APC: variants seen among roughly 807,000 people sequenced by gnomAD.
The protein encoded by APC is APC regulator of Wnt signaling pathway.
Under a neutral mutation model 247.0 loss-of-function variants are expected in APC, and 72 were observed. The observed-to-expected ratio is 0.29, with a 90% CI of 0.24 to 0.35. The LOEUF is 0.35. Ranked by LOEUF, APC falls within the 10% of genes least tolerant of loss-of-function variation. The probability of loss-of-function intolerance (pLI) is 1.00; values close to 1 mark genes in which losing one functional copy is unlikely to be tolerated. For missense variants in APC, 3,400 were observed against 3,360.7 expected, an observed-to-expected ratio of 1.01 and a Z score of -0.29; for synonymous variants, 1,254 against 1,162.5, an observed-to-expected ratio of 1.08 and a Z score of -1.60.
Position 112,707,858 on chromosome 5 carries a change from T to C in APC, c.141T>C (p.Ser47=), listed in dbSNP as rs753577385. The change falls in exon 1 of 14, where the codon TCT becomes TCC. Residue 47 remains serine, a synonymous_variant. Transcript: ENST00000507379. ...AGAGCCCGGGCGGCGCTCGTACTTC[T>C]GGCCACTGGGCGAGCGTCTGGCAGG... 1.5e-6 allele frequency: 2 copies of C among 1,369,852 alleles called. No homozygotes were observed. The highest frequency in any genetic ancestry group is 1.9e-6 in the Non-Finnish European group (2 of 1,038,398). 84.9% of individuals were successfully genotyped at this position (1,369,852 alleles called of 1,614,324 possible).
intron 8 of APC, among the ~76,000 whole-genome samples, chr5:112,812,442 C>T (rs1167068339): frequency 6.6e-6 from 1 of 152,124 alleles, no homozygotes; most frequent in African/African-American, 2.4e-5. Context: ...AGAGTAAGCT[C>T]CTTATGTTCA....
chr5:112,717,959 A>ATTTTTTTTTTTTTT (rs1554061481), intron 1 of APC, among the ~76,000 whole-genome samples: 1 of 67,566 alleles, frequency 1.5e-5, no homozygotes, highest in Non-Finnish European at 2.8e-5. Context: ...ACCTCAAGGC[A>ATTTTTTTTTTTTTT]TTGTTCTGGA....
intron 7 of APC, among the ~76,000 whole-genome samples, chr5:112,799,204 A>G (rs1390291289): frequency 1.3e-5 from 2 of 150,598 alleles, no homozygotes; most frequent in Admixed American, 6.6e-5. Flanking sequence ...AAAAAAAAAA[A>G]GGCACTTTAA....
chr5:112,795,704 A>G (rs1342309031), intron 7 of APC, among the ~76,000 whole-genome samples: 1 of 152,232 alleles, frequency 6.6e-6, no homozygotes, highest in African/African-American at 2.4e-5. Context: ...TAAATTTGAG[A>G]GTGGAATAAA....
At chr5:112,829,979 C>G (rs1000596061) in intron 14 of APC, 2 of 152,112 alleles carry the variant, frequency 1.3e-5, no homozygotes, top group African/African-American at 4.8e-5. Flanking sequence ...TGAGAGGGAC[C>G]AAGCAAGTTG....
At position 112,840,931 on chromosome 5, in the gene APC, A is replaced by G. The variant is rs748063409; in HGVS notation, c.5337A>G (p.Ile1779Met). The stretch of plus-strand genomic sequence containing the variant: ...AACCAACTTCACCAGTAAAACCTAT[A>G]CCACAAAATACTGAATATAGGACAC... ...KKKPTSPVKP[I>M]PQNTEYRTRV... The change falls in exon 16 of 16, where the codon ATA (isoleucine) becomes ATG (methionine). Residue 1779 changes from isoleucine to methionine, a missense_variant. Around this residue, in one of 9 missense-constraint regions of APC, gnomAD observed 1,788 missense variants for 1,649.5 expected, o/e 1.08. Coordinates refer to ENST00000257430, the MANE Select transcript of APC (RefSeq NM_000038.6). The surrounding 1 kb of genome is among the most constrained non-coding windows in gnomAD (Gnocchi z 4.1). 2.0e-5 allele frequency: 33 copies of G among 1,613,734 alleles called. No homozygotes were observed. The highest frequency in any genetic ancestry group is 2.8e-5 in the Non-Finnish European group (33 of 1,179,802).
chr5:112,824,277 G>A lies in APC; in HGVS notation c.1408+2286G>A, dbSNP rs116512723. Among the ~76,000 whole-genome samples the A allele has an allele frequency of 4.3e-3, 649 of 152,216 alleles. 7 individuals carry two copies. Among genetic ancestry groups the A allele is most frequent in the African/African-American group, 0.015 (627 of 41,540 alleles). On this transcript the variant is annotated intron_variant, in intron 11 of 15. Transcript: ENST00000257430. ...CCATGAAACATCCTGATTTTTCTTAGAGCAACCAGTTTTTAATTGTATCAA... is the reference window on the plus strand; with the variant it reads ...CCATGAAACATCCTGATTTTTCTTAAAGCAACCAGTTTTTAATTGTATCAA...
At chr5:112,828,245 C>A (rs1456599470) in intron 13 of APC, among the ~76,000 whole-genome samples, 1 of 152,044 alleles carries the variant, frequency 6.6e-6, no homozygotes, top group Non-Finnish European at 1.5e-5. Flanking sequence ...CACCTGGGCT[C>A]AAGCAATCTG....
intron 7 of APC, among the ~76,000 whole-genome samples, chr5:112,794,214 C>G (rs754257551): frequency 1.3e-5 from 2 of 151,878 alleles, no homozygotes; most frequent in Non-Finnish European, 2.9e-5. Context: ...CACCTCAGCC[C>G]CCGAGTAGCT....
chr5:112,772,251 C>T (rs975568944), intron 4 of APC, among the ~76,000 whole-genome samples: 1 of 152,134 alleles, frequency 6.6e-6, no homozygotes, highest in African/African-American at 2.4e-5. Flanking sequence ...CCTAATGACT[C>T]TGCCTGTTCT....
chr5:112,724,550 C>G (rs904927873), intron 1 of APC, among the ~76,000 whole-genome samples: 7 of 150,280 alleles, frequency 4.7e-5, no homozygotes, highest in Non-Finnish European at 7.4e-5. Context: ...TATACGTAAT[C>G]CCAAGTGTGT....
At chr5:112,752,277 A>C (rs958368942) in intron 1 of APC, among the ~76,000 whole-genome samples, 1 of 152,188 alleles carries the variant, frequency 6.6e-6, no homozygotes, top group Non-Finnish European at 1.5e-5. Context: ...CCATTAATGT[A>C]AAAAAGAAGT....
chr5:112,768,273 C>T (rs1580333412), intron 4 of APC, among the ~76,000 whole-genome samples: 1 of 151,380 alleles, frequency 6.6e-6, no homozygotes, highest in Non-Finnish European at 1.5e-5. Context: ...AAACTCATGA[C>T]CTTAGGTGAT....
intron 9 of APC, among the ~76,000 whole-genome samples, chr5:112,818,287 A>T (rs1341703764): frequency 6.6e-6 from 1 of 152,204 alleles, no homozygotes; most frequent in African/African-American, 2.4e-5. Context: ...CCGGTTTCTA[A>T]TCTGCTTCTA....
chr5:112,733,027 C>T (rs1752174153), upstream of APC, among the ~76,000 whole-genome samples: 1 of 152,146 alleles, frequency 6.6e-6, no homozygotes, highest in African/African-American at 2.4e-5. Flanking sequence ...ACTTTTCCAG[C>T]GTTATCAAGC....
chr5:112,771,577 A>G (rs531156798), intron 4 of APC, among the ~76,000 whole-genome samples: 4 of 152,272 alleles, frequency 2.6e-5, no homozygotes, highest in Admixed American at 2.6e-4. Context: ...CTTCATTATC[A>G]AGGTACCAAT....
At chr5:112,780,124 TTTAA>T (rs1300880601) in intron 5 of APC, among the ~76,000 whole-genome samples, 1 of 152,208 alleles carries the variant, frequency 6.6e-6, no homozygotes. Context: ...TCCTTGGAAT[TTTAA>T]TTAAAGGGTT....
intron 8 of APC, among the ~76,000 whole-genome samples, chr5:112,814,366 C>G (rs1054068883): frequency 1.3e-5 from 2 of 148,444 alleles, no homozygotes; most frequent in Non-Finnish European, 3.1e-5. Context: ...GAGCTCAGTT[C>G]CCCCAATGAA....
At position 112,795,516 on chromosome 5, in the gene APC, A is replaced by G. The variant is rs139318254; in HGVS notation, c.729+2987A>G. Among the ~76,000 whole-genome samples, 491 of 152,302 alleles carry G rather than the reference A, an allele frequency of 3.2e-3. 5 individuals are homozygous for G. The highest frequency in any genetic ancestry group is 0.011 in the African/African-American group (473 of 41,576). ...CCCAAAGTTCTAACTCTCTTATCAC[A>G]TGGTGACAGCCACCCATCTTTTTGC... On this transcript the variant is annotated intron_variant, in intron 7 of 15. Coordinates refer to ENST00000257430, the MANE Select transcript of APC (RefSeq NM_000038.6).
Sources: gnomAD v4.1 joint callset for allele counts (sites outside exome capture counted in the v4.1 genomes callset) on GRCh38, gnomAD v4.1.1 for gene constraint, gnomAD v4.1.1 regional missense constraint, Gnocchi (gnomAD v3.1) non-coding constraint, MANE v1.5 for transcripts, NCBI Gene and HGNC (gene_info 2026-07-23, HGNC 2026-07-21) for gene names.